PRKN: variants seen among roughly 807,000 people sequenced by gnomAD.
PRKN encodes the protein E3 ubiquitin-protein ligase parkin.
PRKN carries 56 observed loss-of-function variants against 59.5 expected under a neutral mutation model. The ratio of observed to expected loss-of-function variants is 0.94; its 90% CI spans 0.76 to 1.18. PRKN has a LOEUF of 1.18. Among genes scored for constraint, PRKN ranks in the 50% most tolerant of loss-of-function variants. The pLI, the probability that PRKN is intolerant of heterozygous loss-of-function variation, is 0.00. For synonymous variants in PRKN, 250 were observed against 222.1 expected (o/e 1.13, Z -1.12); for missense variants, 657 against 596.4 (o/e 1.10, Z -1.06).
chr6:162,115,316 A>G (rs550582305), intron 4 of PRKN, among the ~76,000 whole-genome samples: 17 of 128,490 alleles, frequency 1.3e-4, no homozygotes, highest in Admixed American at 5.7e-4. Flanking sequence ...GGACACAGGA[A>G]GGGGAACATC....
At chr6:161,701,084 C>A (rs1343856456) in intron 7 of PRKN, among the ~76,000 whole-genome samples, 1 of 152,142 alleles carries the variant, frequency 6.6e-6, no homozygotes, top group African/African-American at 2.4e-5. Flanking sequence ...TGTAAATATA[C>A]ACGTTGATCA....
intron 6 of PRKN, among the ~76,000 whole-genome samples, chr6:161,941,565 T>C (rs1370662236): frequency 2.0e-5 from 3 of 152,232 alleles, no homozygotes; most frequent in African/African-American, 7.2e-5. Context: ...GAGAAAGTCC[T>C]CTGTCTTTGT....
At chr6:162,240,179 G>A (rs77164548) in intron 3 of PRKN, among the ~76,000 whole-genome samples, 16,829 of 152,210 alleles carry the variant, frequency 0.11, 1,641 homozygotes, top group East Asian at 0.49. Flanking sequence ...AAGCTCCCCA[G>A]CAGCTCTGAG....
chr6:162,466,479 G>T (rs1791420864), intron 1 of PRKN, among the ~76,000 whole-genome samples: 1 of 152,130 alleles, frequency 6.6e-6, no homozygotes, highest in Non-Finnish European at 1.5e-5. Flanking sequence ...GCTCACTGCA[G>T]CCTTGACCTC....
chr6:162,340,624 A>T (rs2128128051), intron 2 of PRKN, among the ~76,000 whole-genome samples: 1 of 152,334 alleles, frequency 6.6e-6, no homozygotes, highest in East Asian at 1.9e-4. Flanking sequence ...AAATAACACC[A>T]CGCATCTACA....
At chr6:162,317,150 T>G (rs1782785427) in intron 2 of PRKN, among the ~76,000 whole-genome samples, 1 of 152,054 alleles carries the variant, frequency 6.6e-6, no homozygotes, top group Admixed American at 6.6e-5. Context: ...CTTCCATATT[T>G]CATATATAGG....
chr6:161,944,448 AT>A (rs71689522), intron 6 of PRKN, among the ~76,000 whole-genome samples: 3,713 of 150,248 alleles, frequency 0.025, 158 homozygotes, highest in African/African-American at 0.086. Context: ...CCCCATCACC[AT>A]TTTTTTTTCT....
intron 6 of PRKN, among the ~76,000 whole-genome samples, chr6:161,970,637 G>A (rs1183215747): frequency 6.6e-6 from 1 of 151,170 alleles, no homozygotes; most frequent in Non-Finnish European, 1.5e-5. Context: ...TCCCGGATTC[G>A]AGTGATTCTT....
chr6:162,238,335 T>C (rs1778832224), intron 3 of PRKN, among the ~76,000 whole-genome samples: 1 of 152,206 alleles, frequency 6.6e-6, no homozygotes, highest in African/African-American at 2.4e-5. Context: ...AGGTGTGCAG[T>C]AGGCTATACC....
intron 9 of PRKN, among the ~76,000 whole-genome samples, chr6:161,415,786 A>G (rs1224015887): frequency 6.6e-6 from 1 of 151,466 alleles, no homozygotes; most frequent in Non-Finnish European, 1.5e-5. Flanking sequence ...GCCACTGCCC[A>G]TTTCACTGGG....
At chr6:161,663,519 T>G (rs1184574486) in intron 7 of PRKN, among the ~76,000 whole-genome samples, 1 of 152,174 alleles carries the variant, frequency 6.6e-6, no homozygotes, top group Non-Finnish European at 1.5e-5. Flanking sequence ...TGGTGAAATA[T>G]ATGAATATTC....
chr6:162,698,314 G>T (rs1778036351), intron 1 of PRKN, among the ~76,000 whole-genome samples: 1 of 151,940 alleles, frequency 6.6e-6, no homozygotes, highest in East Asian at 1.9e-4. Flanking sequence ...TTCTTTCACA[G>T]CCAGGACTGA....
intron 8 of PRKN, among the ~76,000 whole-genome samples, chr6:161,563,269 A>G (rs1780521670): frequency 6.6e-6 from 1 of 152,060 alleles, no homozygotes; most frequent in African/African-American, 2.4e-5. Context: ...TTTATCCAAC[A>G]CTAGCACAAT....
chr6:161,386,650 C>A lies in PRKN; in HGVS notation c.1167+144G>T, dbSNP rs1043490933. 8.3e-5 allele frequency: 61 copies of A among 733,184 alleles called. No homozygotes were observed. The African/African-American group carries it at 1.0e-3, about 12-fold the overall frequency. 45.4% of individuals were successfully genotyped at this position (733,184 alleles called of 1,614,324 possible). A position where few individuals can be genotyped will look rare whatever the true frequency, so the allele number is the denominator to read the frequency against. Reference sequence around the variant, plus strand: ...AGGAGGGGAGTCATTCTGGGAGAAGCCACGGCCCCATTCCCATGGCTGTCA... The same window carrying A: ...AGGAGGGGAGTCATTCTGGGAGAAGACACGGCCCCATTCCCATGGCTGTCA... On this transcript the variant is annotated intron_variant, in intron 10 of 11. Transcript: ENST00000366898. The surrounding 1 kb of genome is among the most constrained non-coding windows in gnomAD (Gnocchi z 4.3).
Position 161,714,497 on chromosome 6 carries a change from A to C in PRKN, c.871+71275T>G, listed in dbSNP as rs116083745. 8.7e-3 allele frequency among the ~76,000 whole-genome samples: 1,323 copies of C among 152,302 alleles called. 16 individuals carry two copies. Among genetic ancestry groups the C allele is most frequent in the African/African-American group, 0.031 (1,268 of 41,566 alleles). ...AGCCCTCACCAGACACCAGTGCTGAAGTCTTTATCTTGGACTTCCCGGCCT... is the reference window on the plus strand; with the variant it reads ...AGCCCTCACCAGACACCAGTGCTGACGTCTTTATCTTGGACTTCCCGGCCT... On this transcript the variant is annotated intron_variant, in intron 7 of 11. Transcript: ENST00000366898.
At chr6:162,722,760 A>G (rs184670029) in intron 1 of PRKN, among the ~76,000 whole-genome samples, 3 of 152,342 alleles carry the variant, frequency 2.0e-5, no homozygotes, top group South Asian at 4.1e-4. Flanking sequence ...CTTTCATTGT[A>G]TCATTTTCAG....
At chr6:162,208,366 G>C (rs900620138) in intron 3 of PRKN, among the ~76,000 whole-genome samples, 7 of 152,100 alleles carry the variant, frequency 4.6e-5, no homozygotes, top group Non-Finnish European at 7.4e-5. Flanking sequence ...AACATGCTTA[G>C]CAATCTCTAA....
intron 7 of PRKN, among the ~76,000 whole-genome samples, chr6:161,758,681 T>C (rs553029157): frequency 1.3e-5 from 2 of 152,048 alleles, no homozygotes; most frequent in African/African-American, 4.8e-5. Flanking sequence ...AAAAACAATA[T>C]AAACCAACAT....
chr6:162,039,803 A>G (rs1027692545), intron 5 of PRKN, among the ~76,000 whole-genome samples: 5 of 152,066 alleles, frequency 3.3e-5, no homozygotes, highest in Non-Finnish European at 5.9e-5. Context: ...GCACACAAAC[A>G]GACAGACAGA....
Sources: gnomAD v4.1 joint callset for allele counts (sites outside exome capture counted in the v4.1 genomes callset) on GRCh38, gnomAD v4.1.1 for gene constraint, Gnocchi (gnomAD v3.1) non-coding constraint, MANE v1.5 for transcripts, NCBI Gene and HGNC (gene_info 2026-07-23, HGNC 2026-07-21) for gene names.